Variants in DACH1 observed in about 807,000 individuals in gnomAD.
DACH1 encodes dachshund homolog 1.
DACH1 carries 12 observed loss-of-function variants against 54.2 expected under a neutral mutation model. That is an observed-to-expected ratio of 0.22 (90% confidence interval 0.14 to 0.36). The LOEUF is 0.36. Among genes scored for constraint, DACH1 ranks in the 10% least tolerant of loss-of-function variants. The pLI, the probability that DACH1 is intolerant of heterozygous loss-of-function variation, is 1.00. For missense variants in DACH1, 805 were observed against 929.8 expected, an observed-to-expected ratio of 0.87 and a Z score of 1.75; for synonymous variants, 386 against 366.2, an observed-to-expected ratio of 1.05 and a Z score of -0.62.
intron 3 of DACH1, among the ~76,000 whole-genome samples, chr13:71,605,533 G>A (rs916439967): frequency 1.2e-4 from 18 of 151,740 alleles, no homozygotes; most frequent in Non-Finnish European, 1.5e-4. Context: ...ATAAAATAAT[G>A]CTTCACAGTG....
intron 2 of DACH1, among the ~76,000 whole-genome samples, chr13:71,658,142 C>T (rs543113791): frequency 4.7e-4 from 71 of 152,188 alleles, no homozygotes; most frequent in African/African-American, 1.7e-3. Context: ...TATCATATCA[C>T]AATAATTATG....
chr13:71,783,682 G>GCTCCTTC (rs1177683816), intron 1 of DACH1, among the ~76,000 whole-genome samples: 2 of 152,028 alleles, frequency 1.3e-5, no homozygotes, highest in Non-Finnish European at 2.9e-5. Context: ...CTTAAGAGGA[G>GCTCCTTC]TGATTGAAAT....
intron 10 of DACH1, among the ~76,000 whole-genome samples, chr13:71,458,961 T>A (rs1875830869): frequency 6.6e-6 from 1 of 151,872 alleles, no homozygotes. Context: ...GTTTTTGTTT[T>A]TTTTGGCCCT....
intron 10 of DACH1, among the ~76,000 whole-genome samples, chr13:71,455,372 A>G (rs945709091): frequency 9.2e-5 from 14 of 152,054 alleles, no homozygotes; most frequent in Admixed American, 3.9e-4. Context: ...ATATATCCAT[A>G]TCTACCTATA....
At chr13:71,858,699 G>A (rs1874161285) in intron 1 of DACH1, among the ~76,000 whole-genome samples, 1 of 151,628 alleles carries the variant, frequency 6.6e-6, no homozygotes, top group Non-Finnish European at 1.5e-5. Context: ...TCTACTCTCT[G>A]CATCTATGAG....
Position 71,708,482 on chromosome 13 carries a change from G to C in DACH1, c.849-26572C>G, listed in dbSNP as rs969737550. Among the ~76,000 whole-genome samples the C allele has an allele frequency of 3.9e-5, 6 of 152,138 alleles. 1 individual carries two copies. Among genetic ancestry groups the C allele is most frequent in the Admixed American group, 3.3e-4 (5 of 15,260 alleles). ...GTTTTATTTTGGGCTAAAATACTTA[G>C]TTGAAAACTATTTAATAAAACATTT... On this transcript the variant is annotated intron_variant, in intron 1 of 10. Transcript: ENST00000613252.
At chr13:71,663,621 T>C (rs1390913417) in intron 2 of DACH1, among the ~76,000 whole-genome samples, 1 of 151,934 alleles carries the variant, frequency 6.6e-6, no homozygotes, top group Non-Finnish European at 1.5e-5. Context: ...GCCACCAATA[T>C]TTAGTGGTTA....
At chr13:71,612,705 G>A (rs891627945) in intron 3 of DACH1, among the ~76,000 whole-genome samples, 2 of 152,176 alleles carry the variant, frequency 1.3e-5, no homozygotes, top group African/African-American at 2.4e-5. Context: ...AAATGTAGAC[G>A]TGCATTGTAC....
rs572907515 is a variant in DACH1 at position 71,522,914 on chromosome 13, C to T, written c.1571-33766G>A. Among the ~76,000 whole-genome samples, 50 of 152,116 alleles carry T rather than the reference C, an allele frequency of 3.3e-4. No individual in the cohort carries two copies. In the East Asian group the frequency reaches 8.0e-3, roughly 24 times the overall value. Reference sequence around the variant, plus strand: ...AAACTTTGCTACAAAACCTTTTGTTCTTACTGAAGTTACTTTGCTTGTCTC... The same window carrying T: ...AAACTTTGCTACAAAACCTTTTGTTTTTACTGAAGTTACTTTGCTTGTCTC... On this transcript the variant is annotated intron_variant, in intron 6 of 10. Coordinates refer to ENST00000613252, the MANE Select transcript of DACH1 (RefSeq NM_080759.6).
At chr13:71,769,791 T>C (rs1429472382) in intron 1 of DACH1, among the ~76,000 whole-genome samples, 1 of 151,638 alleles carries the variant, frequency 6.6e-6, no homozygotes, top group Non-Finnish European at 1.5e-5. Context: ...GAAGACCAAA[T>C]ATATCAGTTA....
At position 71,608,430 on chromosome 13, in the gene DACH1, T is replaced by C. The variant is rs182711236; in HGVS notation, c.1126+22126A>G. Among the ~76,000 whole-genome samples, 73 of 152,194 alleles carry C rather than the reference T, an allele frequency of 4.8e-4. No individual in the cohort carries two copies. The East Asian group carries it at 0.013, about 27-fold the overall frequency. ...TATAAAATAGCATGGATAAAACCTC[T>C]GAGCTTCTGACCTTACTAGACTATC... On this transcript the variant is annotated intron_variant, in intron 3 of 10. Transcript: ENST00000613252.
chr13:71,577,804 T>C (rs1885623712), intron 3 of DACH1, among the ~76,000 whole-genome samples: 1 of 152,090 alleles, frequency 6.6e-6, no homozygotes, highest in African/African-American at 2.4e-5. Flanking sequence ...GAATGAAAAA[T>C]GTTTTGGACA....
At chr13:71,648,889 G>C (rs772232755) in intron 2 of DACH1, among the ~76,000 whole-genome samples, 1 of 152,124 alleles carries the variant, frequency 6.6e-6, no homozygotes, top group Non-Finnish European at 1.5e-5. Flanking sequence ...TGAAGGAGAT[G>C]CCACTACTTG....
chr13:71,769,022 T>A (rs1008216302), intron 1 of DACH1, among the ~76,000 whole-genome samples: 4 of 151,834 alleles, frequency 2.6e-5, no homozygotes, highest in Non-Finnish European at 5.9e-5. Context: ...GCATTAAACA[T>A]AGCAGTTCTC....
chr13:71,462,092 C>T (rs1566273080), intron 10 of DACH1, among the ~76,000 whole-genome samples: 1 of 151,780 alleles, frequency 6.6e-6, no homozygotes, highest in Non-Finnish European at 1.5e-5. Flanking sequence ...TAATTTGTAG[C>T]CATCATTCAT....
chr13:71,481,016 A>G (rs1465843823), intron 7 of DACH1, among the ~76,000 whole-genome samples: 1 of 152,206 alleles, frequency 6.6e-6, no homozygotes, highest in African/African-American at 2.4e-5. Context: ...CAATTCAACA[A>G]CATTCCTGTG....
intron 1 of DACH1, among the ~76,000 whole-genome samples, chr13:71,858,796 A>G (rs998297886): frequency 6.7e-6 from 1 of 150,334 alleles, no homozygotes; most frequent in African/African-American, 2.4e-5. Flanking sequence ...ACTTCCTGCT[A>G]GAAAAATGTA....
At chr13:71,624,189 A>G (rs1342204267) in intron 3 of DACH1, among the ~76,000 whole-genome samples, 1 of 151,924 alleles carries the variant, frequency 6.6e-6, no homozygotes, top group African/African-American at 2.4e-5. Flanking sequence ...ATTTCAGGAT[A>G]TGAAGATATC....
chr13:71,605,232 A>G (rs184688767), intron 3 of DACH1, among the ~76,000 whole-genome samples: 365 of 152,024 alleles, frequency 2.4e-3, no homozygotes, highest in Non-Finnish European at 4.3e-3. Flanking sequence ...AGTTCACTGA[A>G]TCAATAATTA....
Sources: gnomAD v4.1 joint callset for allele counts (sites outside exome capture counted in the v4.1 genomes callset) on GRCh38, gnomAD v4.1.1 for gene constraint, MANE v1.5 for transcripts, NCBI Gene and HGNC (gene_info 2026-07-23, HGNC 2026-07-21) for gene names.